The following SLC17A1 variants were observed in gnomAD, a reference collection of about 807,000 sequenced individuals.
SLC17A1 encodes the protein sodium-dependent phosphate transport protein 1.
SLC17A1 carries 51 observed loss-of-function variants against 53.5 expected under a neutral mutation model. The ratio of observed to expected loss-of-function variants is 0.95; its 90% confidence interval spans 0.76 to 1.20. The LOEUF is 1.20. Among genes scored for constraint, SLC17A1 ranks in the 50% most tolerant of loss-of-function variants. SLC17A1 has a pLI of 0.00. For missense variants in SLC17A1, 538 were observed against 568.2 expected, an observed-to-expected ratio of 0.95 and a Z score of 0.54; for synonymous variants, 179 against 198.8, an observed-to-expected ratio of 0.90 and a Z score of 0.84.
chr6:25,813,822 G>A (rs977951355), intron 6 of SLC17A1, among the ~76,000 whole-genome samples: 38 of 152,138 alleles, frequency 2.5e-4, no homozygotes, highest in African/African-American at 8.2e-4. Context: ...ACTTACAAAT[G>A]AGAACATGCG....
chr6:25,812,257 C>T (rs78084984), intron 8 of SLC17A1, among the ~76,000 whole-genome samples: 3,112 of 152,260 alleles, frequency 0.02, 89 homozygotes, highest in African/African-American at 0.067. Context: ...TTACAGAATG[C>T]GGCAAAGTGG....
At chr6:25,812,554 T>C (rs1764194037) in intron 8 of SLC17A1, among the ~76,000 whole-genome samples, 1 of 152,168 alleles carries the variant, frequency 6.6e-6, no homozygotes, top group Non-Finnish European at 1.5e-5. Context: ...TTAAGTAATA[T>C]ACAAAGGGAG....
chr6:25,755,697 G>C, the SLC17A1 span, among the ~76,000 whole-genome samples: 1 of 152,068 alleles, frequency 6.6e-6, no homozygotes, highest in African/African-American at 2.4e-5. Flanking sequence ...TTCTACAAAG[G>C]CCCTTCTGTT....
chr6:25,830,659 CA>C, intron 1 of SLC17A1, 52 bp from the exon 2 acceptor site: 1 of 1,228,976 alleles, frequency 8.1e-7, no homozygotes, highest in Non-Finnish European at 1.2e-6. Context: ...GGCAACTGAC[CA>C]AACACTACCC....
downstream of SLC17A1, chr6:25,779,292 C>G: frequency 6.8e-7 from 1 of 1,479,204 alleles, no homozygotes; most frequent in Non-Finnish European, 9.2e-7. Context: ...ATTAGCTAGA[C>G]CCTGACTATG....
At chr6:25,726,781 GT>G in the SLC17A1 span, 1 of 1,260,236 alleles carries the variant, frequency 7.9e-7, no homozygotes, top group Non-Finnish European at 1.1e-6. Flanking sequence ...AGTTCTGTTT[GT>G]TTACTTGGCG....
At chr6:25,728,258 T>A in the SLC17A1 span, among the ~76,000 whole-genome samples, 1 of 152,168 alleles carries the variant, frequency 6.6e-6, no homozygotes, top group Non-Finnish European at 1.5e-5. Context: ...CAAATCTGGT[T>A]AGCAGGAATT....
At chr6:25,726,990 G>A in the SLC17A1 span, 19 of 1,614,060 alleles carry the variant, frequency 1.2e-5, no homozygotes, top group East Asian at 4.5e-5. Flanking sequence ...GAAAAAGGAA[G>A]GCAAAAAGCG....
chr6:25,755,213 CAG>C, the SLC17A1 span, among the ~76,000 whole-genome samples: 8 of 152,046 alleles, frequency 5.3e-5, no homozygotes, highest in Non-Finnish European at 1.2e-4. Context: ...ACTGAATTCT[CAG>C]AGAGGAAGAT....
the SLC17A1 span, chr6:25,727,364 T>A: frequency 8.6e-7 from 1 of 1,160,982 alleles, no homozygotes; most frequent in Non-Finnish European, 1.2e-6. Context: ...GAAACAGCTG[T>A]GGGCTTCGTT....
the SLC17A1 span, among the ~76,000 whole-genome samples, chr6:25,753,445 C>T: frequency 6.6e-6 from 1 of 152,054 alleles, no homozygotes; most frequent in Non-Finnish European, 1.5e-5. Flanking sequence ...TGTACATTTC[C>T]AACATTCTGC....
At chr6:25,728,955 G>T in the SLC17A1 span, among the ~76,000 whole-genome samples, 1 of 152,206 alleles carries the variant, frequency 6.6e-6, no homozygotes, top group Non-Finnish European at 1.5e-5. Flanking sequence ...GACAAATTGG[G>T]GGGAAGGGGC....
chr6:25,780,170 A>C (rs1233646003), downstream of SLC17A1: 2 of 152,256 alleles, frequency 1.3e-5, no homozygotes, highest in African/African-American at 4.8e-5. Flanking sequence ...ATGGAGGATC[A>C]TAAGATAGCA....
chr6:25,726,385 G>GCGCCTGCCCCTATC, the SLC17A1 span: 1 of 1,614,102 alleles, frequency 6.2e-7, no homozygotes. Flanking sequence ...ATACACTGGT[G>GCGCCTGCCCCTATC]CGCCTGCCCC....
chr6:25,765,492 G>A, the SLC17A1 span, among the ~76,000 whole-genome samples: 1 of 152,186 alleles, frequency 6.6e-6, no homozygotes, highest in Non-Finnish European at 1.5e-5. Flanking sequence ...CTGTGCTTAC[G>A]TTATTACGGG....
At chr6:25,785,949 T>C (rs1235024151) in intron 12 of SLC17A1, among the ~76,000 whole-genome samples, 1 of 152,214 alleles carries the variant, frequency 6.6e-6, no homozygotes, top group Non-Finnish European at 1.5e-5. Context: ...AATTACCACA[T>C]GACCAGCAAC....
At chr6:25,752,113 C>T in the SLC17A1 span, among the ~76,000 whole-genome samples, 14 of 152,156 alleles carry the variant, frequency 9.2e-5, no homozygotes, top group East Asian at 1.9e-4. Flanking sequence ...TACAAACACG[C>T]GACGCTTAAC....
At chr6:25,772,672 T>A in the SLC17A1 span, among the ~76,000 whole-genome samples, 1 of 152,210 alleles carries the variant, frequency 6.6e-6, no homozygotes, top group Admixed American at 6.5e-5. Flanking sequence ...TGCTGCTCAC[T>A]CTTATGTGCT....
chr6:25,786,126 G>A (rs1309577233), intron 12 of SLC17A1, among the ~76,000 whole-genome samples: 3 of 152,148 alleles, frequency 2.0e-5, no homozygotes, highest in Non-Finnish European at 4.4e-5. Context: ...CCATACAGTC[G>A]AATACTACTG....
Sources: allele counts gnomAD v4.1 joint callset (sites outside exome capture counted in the v4.1 genomes callset), GRCh38; gene constraint gnomAD v4.1.1; transcripts MANE v1.5; gene names NCBI Gene and HGNC (gene_info 2026-07-23, HGNC 2026-07-21).